The following CNTN5 variants were observed in gnomAD, a reference collection of about 807,000 sequenced individuals.
CNTN5 encodes the protein contactin 5, also known as contactin-5.
Under a neutral mutation model 129.1 loss-of-function variants are expected in CNTN5, and 77 were observed. That is an observed-to-expected ratio of 0.60 (90% CI 0.50 to 0.72). The LOEUF (loss-of-function observed/expected upper bound fraction) is 0.72. CNTN5 is among the 30% of genes least tolerant of loss of function. The pLI, the probability that CNTN5 is intolerant of heterozygous loss-of-function variation, is 0.00. For missense variants in CNTN5, 1,478 were observed against 1,328.8 expected (o/e 1.11, Z -1.75); for synonymous variants, 509 against 465.6 (o/e 1.09, Z -1.20).
chr11:100,174,351 C>A (rs1947902677), intron 13 of CNTN5, among the ~76,000 whole-genome samples: 1 of 152,072 alleles, frequency 6.6e-6, no homozygotes, highest in South Asian at 2.1e-4. Context: ...CTAGGCTTTC[C>A]TTCTCTGGGC....
chr11:99,044,456 A>G (rs11218183), intron 1 of CNTN5, among the ~76,000 whole-genome samples: 2,050 of 152,234 alleles, frequency 0.013, 49 homozygotes, highest in African/African-American at 0.047. Flanking sequence ...GTGCACAAAA[A>G]TGAGCAGTCT....
At chr11:99,084,602 G>A (rs933409396) in intron 1 of CNTN5, among the ~76,000 whole-genome samples, 8 of 151,850 alleles carry the variant, frequency 5.3e-5, no homozygotes, top group African/African-American at 1.9e-4. Context: ...AACATTTTTT[G>A]TTACCTTCTA....
chr11:99,104,295 A>C (rs930619606), intron 1 of CNTN5, among the ~76,000 whole-genome samples: 1 of 152,062 alleles, frequency 6.6e-6, no homozygotes, highest in Admixed American at 6.6e-5. Flanking sequence ...GGACTGGATA[A>C]CTATTGGAGG....
intron 2 of CNTN5, among the ~76,000 whole-genome samples, chr11:99,408,557 A>G (rs1942244589): frequency 6.6e-6 from 1 of 152,012 alleles, no homozygotes; most frequent in Admixed American, 6.5e-5. Flanking sequence ...TGACCTCAAA[A>G]TCCTGACCGC....
chr11:99,147,558 A>G (rs1386538006), intron 1 of CNTN5, among the ~76,000 whole-genome samples: 1 of 152,198 alleles, frequency 6.6e-6, no homozygotes, highest in Non-Finnish European at 1.5e-5. Flanking sequence ...AGGACAGACC[A>G]CATCTATCAC....
intron 16 of CNTN5, among the ~76,000 whole-genome samples, chr11:100,239,037 G>T (rs1949683452): frequency 6.6e-6 from 1 of 152,180 alleles, no homozygotes; most frequent in South Asian, 2.1e-4. Flanking sequence ...GATGAGCTGT[G>T]AATCACCATT....
chr11:99,269,993 T>C (rs1264111997), intron 1 of CNTN5, among the ~76,000 whole-genome samples: 1 of 151,904 alleles, frequency 6.6e-6, no homozygotes, highest in African/African-American at 2.4e-5. Context: ...TTACATGCTA[T>C]GGACTAGCCT....
intron 3 of CNTN5, among the ~76,000 whole-genome samples, chr11:99,600,395 C>T (rs1338228466): frequency 6.6e-6 from 1 of 152,122 alleles, no homozygotes; most frequent in African/African-American, 2.4e-5. Flanking sequence ...TAATGTGACA[C>T]ATTTAATTAT....
At chr11:100,352,901 G>A (rs978159581) in intron 24 of CNTN5, among the ~76,000 whole-genome samples, 1 of 151,590 alleles carries the variant, frequency 6.6e-6, no homozygotes, top group African/African-American at 2.4e-5. Flanking sequence ...CAGATTCCTA[G>A]ACAACAATAC....
chr11:99,117,648 T>C (rs1336752737), intron 1 of CNTN5, among the ~76,000 whole-genome samples: 2 of 152,186 alleles, frequency 1.3e-5, no homozygotes, highest in Admixed American at 6.5e-5. Context: ...GTATTGGTAT[T>C]TGGAAGTGGG....
At chr11:100,013,572 C>T (rs1164256909) in intron 9 of CNTN5, among the ~76,000 whole-genome samples, 1 of 152,170 alleles carries the variant, frequency 6.6e-6, no homozygotes, top group Non-Finnish European at 1.5e-5. Context: ...ACATCTCTGA[C>T]ATGTTATCTC....
chr11:99,811,883 T>A (rs1463876834), intron 3 of CNTN5, among the ~76,000 whole-genome samples: 1 of 149,324 alleles, frequency 6.7e-6, no homozygotes, highest in African/African-American at 2.4e-5. Context: ...AACATGTAAC[T>A]AGATTTAGCT....
rs187516506 is a variant in CNTN5 at position 100,346,243 on chromosome 11, C to G, written c.3031-4459C>G. Reference sequence around the variant, plus strand: ...TTGGGGTCTCTATCTAGAATCCTTACTAATTATAGCACGTAAGACTCACCA... The same window carrying G: ...TTGGGGTCTCTATCTAGAATCCTTAGTAATTATAGCACGTAAGACTCACCA... On this transcript the variant is annotated intron_variant, in intron 23 of 24. Transcript: ENST00000524871. Among the ~76,000 whole-genome samples the G allele has an allele frequency of 3.9e-4, 60 of 152,144 alleles. No homozygotes were observed. The East Asian group carries it at 0.011, about 27-fold the overall frequency.
chr11:100,265,719 G>A (rs1405000861), intron 17 of CNTN5, among the ~76,000 whole-genome samples: 1 of 152,088 alleles, frequency 6.6e-6, no homozygotes, highest in African/African-American at 2.4e-5. Context: ...GCACATCTTG[G>A]ATTTAACGTA....
At chr11:99,767,544 C>T (rs777017928) in intron 3 of CNTN5, among the ~76,000 whole-genome samples, 1 of 151,768 alleles carries the variant, frequency 6.6e-6, no homozygotes, top group African/African-American at 2.4e-5. Flanking sequence ...ATAGTACATG[C>T]CCACATTTGA....
At chr11:100,185,093 T>A (rs61908150) in intron 13 of CNTN5, among the ~76,000 whole-genome samples, 10,411 of 152,190 alleles carry the variant, frequency 0.068, 443 homozygotes, top group Non-Finnish European at 0.1. Flanking sequence ...TCCCCATTCA[T>A]GAAGACTGTG....
chr11:99,185,675 T>G (rs536042965), intron 1 of CNTN5, among the ~76,000 whole-genome samples: 1 of 151,928 alleles, frequency 6.6e-6, no homozygotes, highest in African/African-American at 2.4e-5. Context: ...TTTCAATAAC[T>G]AGACAATGTG....
chr11:99,056,932 T>C (rs917969143), intron 1 of CNTN5, among the ~76,000 whole-genome samples: 1 of 152,082 alleles, frequency 6.6e-6, no homozygotes, highest in Non-Finnish European at 1.5e-5. Flanking sequence ...TTATTTGGAC[T>C]GATATTTTTT....
chr11:100,288,129 A>T (rs1950843614), intron 18 of CNTN5, among the ~76,000 whole-genome samples: 1 of 152,172 alleles, frequency 6.6e-6, no homozygotes, highest in East Asian at 1.9e-4. Context: ...TGACCTACAA[A>T]GAGACTTAGA....
Sources: gnomAD v4.1 joint callset for allele counts (sites outside exome capture counted in the v4.1 genomes callset) on GRCh38, gnomAD v4.1.1 for gene constraint, MANE v1.5 for transcripts, NCBI Gene and HGNC (gene_info 2026-07-23, HGNC 2026-07-21) for gene names.